ADCY3: variants seen among roughly 807,000 people sequenced by gnomAD.
ADCY3 encodes the protein adenylate cyclase 3.
A neutral mutation model predicts 119.4 loss-of-function variants in ADCY3; 70 were observed. That is an observed-to-expected ratio of 0.59 (90% CI 0.48 to 0.72). The LOEUF (loss-of-function observed/expected upper bound fraction) is 0.72, where lower values mean the gene tolerates loss of function less well. ADCY3 is among the 30% of genes least tolerant of loss of function. The probability of loss-of-function intolerance (pLI) is 0.00; values close to 1 mark genes in which losing one functional copy is unlikely to be tolerated. For synonymous variants in ADCY3, 672 were observed against 621.4 expected (o/e 1.08, Z -1.21); for missense variants, 1,238 against 1,541.6 (o/e 0.80, Z 3.30).
Position 24,911,326 on chromosome 2 carries a change from T to C in ADCY3, c.675+6987A>G, listed in dbSNP as rs1663609165. On this transcript the variant is annotated intron_variant, in intron 2 of 21. Coordinates refer to ENST00000679454, the MANE Select transcript of ADCY3 (RefSeq NM_004036.5). ...ACTTCAAACTCCTGGGCTCAAGCCA[T>C]CCCCCTCCCCAGCCTCCTGTACAAG... 3.6e-5 allele frequency among the ~76,000 whole-genome samples: 5 copies of C among 140,614 alleles called. No individual in the cohort carries two copies. The East Asian group carries it at 1.2e-3, about 32-fold the overall frequency. The allele number at this position is 140,614 out of a possible 152,430, so 92.2% of individuals were successfully genotyped here.
intron 2 of ADCY3, among the ~76,000 whole-genome samples, chr2:24,914,881 T>C (rs1664260126): frequency 6.6e-6 from 1 of 152,010 alleles, no homozygotes; most frequent in Non-Finnish European, 1.5e-5. Flanking sequence ...ATTCACTCAT[T>C]AACTCATTGG....
rs749903893 is a variant in ADCY3 at position 24,819,966 on chromosome 2, A to G, written c.3401T>C (p.Val1134Ala). The G allele has an allele frequency of 2.5e-6, 4 of 1,613,844 alleles. No individual in the cohort carries two copies. Among genetic ancestry groups the G allele is most frequent in the Non-Finnish European group, 3.4e-6 (4 of 1,179,886 alleles). ...KLATFPNGPSVTLPHQVVDNS is the reference protein window; with the variant it reads ...KLATFPNGPSATLPHQVVDNS ...GTCCACCACCTGGTGGGGCAGTGTG[A>G]CAGAGGGGCCATTGGGGAAGGTGGC... Residue 1134 changes from valine to alanine, a missense_variant, in exon 22 of 22, where the codon GTC becomes GCC. Val to Ala is a moderately conservative substitution (Grantham distance 64). This residue lies in a region of ADCY3 where 86 missense variants were observed against 70.7 expected (regional missense o/e 1.22). Coordinates refer to ENST00000679454, the MANE Select transcript of ADCY3 (RefSeq NM_004036.5).
At chr2:24,910,406 G>A (rs983651389) in intron 2 of ADCY3, among the ~76,000 whole-genome samples, 8 of 151,988 alleles carry the variant, frequency 5.3e-5, no homozygotes, top group African/African-American at 1.9e-4. Context: ...ATGTTGCCCA[G>A]GTTTAAACTG....
At position 24,831,833 on chromosome 2, in the gene ADCY3, G is replaced by A. The variant is rs1283279660; in HGVS notation, c.1968-84C>T. ...GGCTAGGAGAGGAAGGGACGGGGATGGGGGCAGGGGCCAGGGGACAGCGGA... is the reference window on the plus strand; with the variant it reads ...GGCTAGGAGAGGAAGGGACGGGGATAGGGGCAGGGGCCAGGGGACAGCGGA... On this transcript the variant is annotated intron_variant, in intron 11 of 21. Coordinates refer to ENST00000679454, the MANE Select transcript of ADCY3 (RefSeq NM_004036.5). The A allele has an allele frequency of 4.2e-6, 4 of 943,572 alleles. No individual in the cohort carries two copies. The Admixed American group carries it at 8.0e-5, about 19-fold the overall frequency. The allele number at this position is 943,572 out of a possible 1,614,324, so 58.4% of individuals were successfully genotyped here.
At chr2:24,822,397 T>G in intron 19 of ADCY3, 114 bp downstream of exon 19, 1 of 1,403,360 alleles carries the variant, frequency 7.1e-7, no homozygotes, top group Non-Finnish European at 9.8e-7. Context: ...GCTGGTGGTG[T>G]GTGTCTGGGA....
intron 2 of ADCY3, among the ~76,000 whole-genome samples, chr2:24,894,775 A>AT (rs1278143495): frequency 2.6e-5 from 4 of 151,546 alleles, no homozygotes; most frequent in Non-Finnish European, 5.9e-5. Context: ...TTGCCTCAAC[A>AT]TTTTTTGTAC....
At chr2:24,845,266 T>G (rs1032694288) in intron 3 of ADCY3, among the ~76,000 whole-genome samples, 3 of 152,176 alleles carry the variant, frequency 2.0e-5, no homozygotes, top group African/African-American at 7.2e-5. Context: ...TCAGAACAGT[T>G]TGGAGGGCTC....
intron 2 of ADCY3, among the ~76,000 whole-genome samples, chr2:24,885,986 C>A (rs1264884112): frequency 6.6e-6 from 1 of 152,186 alleles, no homozygotes; most frequent in Non-Finnish European, 1.5e-5. Flanking sequence ...CACGAAAGTG[C>A]CTGGGGAGGA....
At chr2:24,910,688 G>A (rs1381420659) in intron 2 of ADCY3, among the ~76,000 whole-genome samples, 2 of 140,110 alleles carry the variant, frequency 1.4e-5, no homozygotes, top group South Asian at 2.2e-4. Flanking sequence ...GTGAGACAGA[G>A]TCTCCCTCTG....
rs560747136 is a variant in ADCY3, at chr2:24,903,073, G to A, written c.675+15240C>T. Among the ~76,000 whole-genome samples the A allele has an allele frequency of 1.1e-4, 16 of 151,694 alleles. No individual in the cohort carries two copies. The East Asian group carries it at 1.5e-3, about 15-fold the overall frequency. On this transcript the variant is annotated intron_variant, in intron 2 of 21. Transcript: ENST00000679454. The stretch of plus-strand genomic sequence containing the variant: ...GAGGCAGGAGAATCACTTGAACCCG[G>A]GAGGCGAAGATTGCAGTGAGCCAAG...
At chr2:24,902,522 T>C (rs1276679685) in intron 2 of ADCY3, among the ~76,000 whole-genome samples, 1 of 151,922 alleles carries the variant, frequency 6.6e-6, no homozygotes, top group African/African-American at 2.4e-5. Context: ...CCCCGTGGAG[T>C]GTCTGTTAAG....
intron 3 of ADCY3, among the ~76,000 whole-genome samples, chr2:24,854,427 G>C (rs1451868876): frequency 6.6e-6 from 1 of 152,172 alleles, no homozygotes; most frequent in Non-Finnish European, 1.5e-5. Context: ...TTCACCCCGG[G>C]GGCTTGGTTC....
At chr2:24,843,856 C>G (rs546734183) in intron 3 of ADCY3, among the ~76,000 whole-genome samples, 1 of 152,164 alleles carries the variant, frequency 6.6e-6, no homozygotes, top group African/African-American at 2.4e-5. Context: ...TGTGGTGCTG[C>G]GGAGGCGAAG....
At position 24,875,609 on chromosome 2, in the gene ADCY3, G is replaced by A. The variant is rs147367209; in HGVS notation, c.676-2890C>T. ...CACCCTGGGGTGCTCACGCAGCGAC[G>A]GGAGGCGAGGGTGGCAGCAGTGCTC... On this transcript the variant is annotated intron_variant, in intron 2 of 21. Transcript: ENST00000679454. 7.9e-5 allele frequency among the ~76,000 whole-genome samples: 12 copies of A among 152,338 alleles called. No individual in the cohort carries two copies. The East Asian group carries it at 2.1e-3, about 27-fold the overall frequency.
At chr2:24,853,768 G>C (rs1450845206) in intron 3 of ADCY3, among the ~76,000 whole-genome samples, 2 of 152,148 alleles carry the variant, frequency 1.3e-5, no homozygotes, top group African/African-American at 4.8e-5. Flanking sequence ...TTACAGGCAT[G>C]AGCCACCGTA....
At position 24,872,779 on chromosome 2, in the gene ADCY3, G is replaced by A; in HGVS notation, c.676-60C>T. 1.3e-6 allele frequency: 2 copies of A among 1,582,060 alleles called. No individual in the cohort carries two copies. The highest frequency in any genetic ancestry group is 1.7e-6 in the Non-Finnish European group (2 of 1,158,620). ...GGTGAAGGCACGTCTTCAGAAAAGGGGATGGAGAAGGGGATGGAGGAGGTG... is the reference window on the plus strand; with the variant it reads ...GGTGAAGGCACGTCTTCAGAAAAGGAGATGGAGAAGGGGATGGAGGAGGTG... On this transcript the variant is annotated intron_variant, in intron 2 of 21. Transcript: ENST00000679454. This position sits in a 1 kb window ranked among gnomAD's most constrained non-coding sequence, Gnocchi z 4.4.
At chr2:24,888,527 C>T (rs546004170) in intron 2 of ADCY3, among the ~76,000 whole-genome samples, 117 of 152,318 alleles carry the variant, frequency 7.7e-4, no homozygotes, top group Admixed American at 3.5e-3. Context: ...CTCCTCCAGC[C>T]CCTACAACAG....
At chr2:24,853,907 C>T (rs1304113907) in intron 3 of ADCY3, among the ~76,000 whole-genome samples, 3 of 152,204 alleles carry the variant, frequency 2.0e-5, no homozygotes, top group African/African-American at 7.2e-5. Context: ...TATACAATGA[C>T]TATAGCCATT....
intron 2 of ADCY3, among the ~76,000 whole-genome samples, chr2:24,873,101 C>T (rs977600379): frequency 3.9e-5 from 6 of 152,242 alleles, no homozygotes; most frequent in East Asian, 1.9e-4. Context: ...CATTCCTTCA[C>T]GCATTTGCTC....
Sources: gnomAD v4.1 joint callset for allele counts (sites outside exome capture counted in the v4.1 genomes callset) on GRCh38, gnomAD v4.1.1 for gene constraint, gnomAD v4.1.1 regional missense constraint, Gnocchi (gnomAD v3.1) non-coding constraint, MANE v1.5 for transcripts, NCBI Gene and HGNC (gene_info 2026-07-23, HGNC 2026-07-21) for gene names.